The following RBFOX1 variants were observed in gnomAD, a reference collection of about 807,000 sequenced individuals.
RBFOX1 encodes RNA binding fox-1 homolog 1, also known as RNA binding protein fox-1 homolog 1.
Under a neutral mutation model 57.7 loss-of-function variants are expected in RBFOX1, and 8 were observed. That is an observed-to-expected ratio of 0.14 (90% confidence interval 0.08 to 0.25). The LOEUF (loss-of-function observed/expected upper bound fraction) is 0.25, where lower values mean the gene tolerates loss of function less well. Ranked by LOEUF, RBFOX1 falls within the 10% of genes least tolerant of loss-of-function variation. The pLI, the probability that RBFOX1 is intolerant of heterozygous loss-of-function variation, is 1.00. For missense variants in RBFOX1, 611 were observed against 548.5 expected (o/e 1.11, Z -1.14); for synonymous variants, 326 against 222.4 (o/e 1.47, Z -4.15).
At chr16:7,168,028 A>C (rs1195344380) in intron 4 of RBFOX1, among the ~76,000 whole-genome samples, 2 of 152,188 alleles carry the variant, frequency 1.3e-5, no homozygotes, top group Non-Finnish European at 2.9e-5. Flanking sequence ...ATTTTTATGA[A>C]GCAGGTTTTT....
At chr16:5,479,206 A>G (rs1453324750) in intron 2 of RBFOX1, among the ~76,000 whole-genome samples, 1 of 151,822 alleles carries the variant, frequency 6.6e-6, no homozygotes, top group African/African-American at 2.4e-5. Flanking sequence ...GATTTCCTTC[A>G]TGGCCCTTGT....
intron 4 of RBFOX1, among the ~76,000 whole-genome samples, chr16:5,869,828 C>T (rs931488164): frequency 7.2e-5 from 11 of 152,112 alleles, no homozygotes; most frequent in Non-Finnish European, 1.6e-4. Context: ...CTTGTATGCC[C>T]AAGAGAAACG....
chr16:7,185,956 G>C (rs905271674), intron 4 of RBFOX1, among the ~76,000 whole-genome samples: 3 of 152,096 alleles, frequency 2.0e-5, no homozygotes, highest in Admixed American at 1.3e-4. Context: ...GTCCTCTGAA[G>C]TATGTCTCAG....
intron 3 of RBFOX1, among the ~76,000 whole-genome samples, chr16:5,828,168 A>G (rs1193677846): frequency 6.6e-6 from 1 of 151,592 alleles, no homozygotes; most frequent in Non-Finnish European, 1.5e-5. Context: ...CCATCCCTGC[A>G]TCCAATCCAT....
chr16:7,006,130 C>T (rs562625379), intron 3 of RBFOX1, among the ~76,000 whole-genome samples: 30 of 152,064 alleles, frequency 2.0e-4, no homozygotes, highest in Admixed American at 3.9e-4. Context: ...AGAGGACATA[C>T]ATAATGTCAT....
intron 3 of RBFOX1, among the ~76,000 whole-genome samples, chr16:6,834,219 G>T (rs1350791621): frequency 1.3e-5 from 2 of 151,960 alleles, no homozygotes; most frequent in Admixed American, 1.3e-4. Context: ...GATTACAGGT[G>T]CCCGCTAGCA....
In RBFOX1 at chr16:5,871,473, AG is replaced by A. The variant is rs1462706441; in HGVS notation, c.351+4139del. Among the ~76,000 whole-genome samples, 3 of 152,320 alleles carry A rather than the reference AG, an allele frequency of 2.0e-5. No individual in the cohort carries two copies. In the East Asian group the frequency reaches 5.8e-4, roughly 29 times the overall value. On this transcript the variant is annotated intron_variant, in intron 4 of 19. Coordinates refer to the RBFOX1 transcript ENST00000641259. ...CCTAAGTTGCTACTGTATGTCTCCTAGACTCCTTCCCCTTCAAAATCATTAA... is the reference window on the plus strand; with the variant it reads ...CCTAAGTTGCTACTGTATGTCTCCTAACTCCTTCCCCTTCAAAATCATTAA...
At chr16:7,554,002 G>C (rs1429342152) in intron 5 of RBFOX1, among the ~76,000 whole-genome samples, 1 of 152,130 alleles carries the variant, frequency 6.6e-6, no homozygotes, top group African/African-American at 2.4e-5. Context: ...CAAGCACTTT[G>C]GGAGGCTGCA....
chr16:6,942,706 T>A (rs561570510), intron 3 of RBFOX1, among the ~76,000 whole-genome samples: 1 of 152,160 alleles, frequency 6.6e-6, no homozygotes, highest in Non-Finnish European at 1.5e-5. Context: ...CTGGGGCATC[T>A]CTTTGGACAA....
At chr16:6,835,057 C>G (rs2092990663) in intron 3 of RBFOX1, among the ~76,000 whole-genome samples, 1 of 152,010 alleles carries the variant, frequency 6.6e-6, no homozygotes, top group South Asian at 2.1e-4. Context: ...CATGCCCCGG[C>G]TAATTTTTTA....
chr16:5,874,985 G>A (rs904981098), intron 4 of RBFOX1, among the ~76,000 whole-genome samples: 1 of 152,100 alleles, frequency 6.6e-6, no homozygotes, highest in African/African-American at 2.4e-5. Context: ...GAGAATAGAG[G>A]CAGAACTAGA....
chr16:6,593,635 C>A (rs556834728), intron 2 of RBFOX1, among the ~76,000 whole-genome samples: 1 of 151,932 alleles, frequency 6.6e-6, no homozygotes, highest in Non-Finnish European at 1.5e-5. Context: ...ATGTGAGTGC[C>A]CTGTTCATTT....
intron 3 of RBFOX1, among the ~76,000 whole-genome samples, chr16:6,778,645 C>T (rs1344693667): frequency 2.0e-5 from 3 of 152,068 alleles, no homozygotes; most frequent in Non-Finnish European, 2.9e-5. Flanking sequence ...GTTCCTTAGT[C>T]TATAAAGAGT....
chr16:6,733,156 C>G (rs759209), intron 3 of RBFOX1, among the ~76,000 whole-genome samples: 137,654 of 152,006 alleles, frequency 0.91, 63,952 homozygotes, highest in East Asian at 1. Flanking sequence ...ATAATGAGAA[C>G]AGCCAACCCC....
At chr16:7,564,540 C>CAAAAAAAAAAAAAAAAA (rs5815409) in intron 5 of RBFOX1, among the ~76,000 whole-genome samples, 1 of 82,518 alleles carries the variant, frequency 1.2e-5, no homozygotes, top group African/African-American at 9.6e-5. Context: ...GACTCCATCT[C>CAAAAAAAAAAAAAAAAA]AAAAAAAAAA....
At chr16:7,609,529 A>G (rs1244432818) in intron 10 of RBFOX1, among the ~76,000 whole-genome samples, 2 of 152,224 alleles carry the variant, frequency 1.3e-5, no homozygotes, top group African/African-American at 4.8e-5. Flanking sequence ...GCCCAGGTTC[A>G]GAAGTTAGAT....
At position 6,549,525 on chromosome 16, in the gene RBFOX1, G is replaced by GGGA. The variant is rs1196682002; in HGVS notation, c.-63-105066_-63-105064dup. ...GGAGGGGAAGAGGAGGAGGAGAGGAGGGAGGAGGAGGAGGGGAGGAGGAGG... is the reference window on the plus strand; with the variant it reads ...GGAGGGGAAGAGGAGGAGGAGAGGAGGGAGGAGGAGGAGGAGGGGAGGAGGAGG... On this transcript the variant is annotated intron_variant, in intron 2 of 15. Coordinates refer to ENST00000550418, the MANE Select transcript of RBFOX1 (RefSeq NM_018723.4). 4.4e-5 allele frequency among the ~76,000 whole-genome samples: 5 copies of GGGA among 112,946 alleles called. No individual in the cohort carries two copies. In the East Asian group the frequency reaches 1.3e-3, roughly 29 times the overall value. 74.1% of individuals were successfully genotyped at this position (112,946 alleles called of 152,430 possible).
intron 3 of RBFOX1, among the ~76,000 whole-genome samples, chr16:5,707,999 A>G (rs1250413083): frequency 6.6e-6 from 1 of 152,170 alleles, no homozygotes; most frequent in African/African-American, 2.4e-5. Flanking sequence ...TTGGCAGTGT[A>G]TTCAAAGGGT....
chr16:5,944,699 A>C (rs985659335), intron 4 of RBFOX1, among the ~76,000 whole-genome samples: 2 of 150,256 alleles, frequency 1.3e-5, no homozygotes, highest in Non-Finnish European at 3.0e-5. Context: ...TCACGCCTGT[A>C]ATCCCAGCAC....
Sources: allele counts gnomAD v4.1 joint callset (sites outside exome capture counted in the v4.1 genomes callset), GRCh38; gene constraint gnomAD v4.1.1; transcripts MANE v1.5; gene names NCBI Gene and HGNC (gene_info 2026-07-23, HGNC 2026-07-21).